ROBO2: variants seen among roughly 807,000 people sequenced by gnomAD.
The protein encoded by ROBO2 is roundabout homolog 2.
Under a neutral mutation model 160.8 loss-of-function variants are expected in ROBO2, and 53 were observed. The ratio of observed to expected loss-of-function variants is 0.33; its 90% CI spans 0.26 to 0.41. The LOEUF is 0.41. Among genes scored for constraint, ROBO2 ranks in the 10% least tolerant of loss-of-function variants. The probability of loss-of-function intolerance (pLI) is 1.00; values close to 1 mark genes in which losing one functional copy is unlikely to be tolerated. For missense variants in ROBO2, 1,577 were observed against 1,722.4 expected (o/e 0.92, Z 1.49); for synonymous variants, 664 against 611.7 (o/e 1.09, Z -1.26).
chr3:76,324,978 G>A (rs559543890), intron 2 of ROBO2, among the ~76,000 whole-genome samples: 10 of 152,212 alleles, frequency 6.6e-5, no homozygotes, highest in Non-Finnish European at 1.2e-4. Flanking sequence ...TGGTGGCAGC[G>A]CCTGTAGCCC....
chr3:76,658,567 A>G (rs1373769768), intron 2 of ROBO2, among the ~76,000 whole-genome samples: 1 of 152,034 alleles, frequency 6.6e-6, no homozygotes, highest in Non-Finnish European at 1.5e-5. Context: ...AATCCCACTT[A>G]TCAGTGAGAA....
At chr3:77,558,111 A>C in exon 9 of ROBO2, 1 of 1,613,176 alleles carries the variant, frequency 6.2e-7, no homozygotes, top group East Asian at 2.2e-5. Flanking sequence ...AAGAGCAACA[A>C]TTCAAGAGCA....
At chr3:76,194,353 A>ATATATATATATATATATAT (rs1553672736) in intron 2 of ROBO2, among the ~76,000 whole-genome samples, 7 of 94,530 alleles carry the variant, frequency 7.4e-5, no homozygotes, top group East Asian at 5.6e-4. Context: ...ATGGTGTGTA[A>ATATATATATATATATATAT]ATATATATAT....
At chr3:77,286,498 C>T (rs777672644) in intron 2 of ROBO2, among the ~76,000 whole-genome samples, 4 of 152,032 alleles carry the variant, frequency 2.6e-5, no homozygotes, top group Non-Finnish European at 5.9e-5. Flanking sequence ...TCAAGTGATC[C>T]GACCGCCTTG....
At chr3:77,434,390 G>A (rs902357577) in intron 2 of ROBO2, among the ~76,000 whole-genome samples, 20 of 152,176 alleles carry the variant, frequency 1.3e-4, no homozygotes, top group African/African-American at 4.1e-4. Context: ...AAATGTGTCA[G>A]CCTCACCAGA....
chr3:76,340,987 TC>T, intron 2 of ROBO2, among the ~76,000 whole-genome samples: 1 of 152,278 alleles, frequency 6.6e-6, no homozygotes, highest in Middle Eastern at 3.4e-3. Flanking sequence ...GTTTTGTGAA[TC>T]TTGTAGGAGT....
intron 12 of ROBO2, among the ~76,000 whole-genome samples, chr3:77,566,744 A>G (rs1216561196): frequency 6.6e-6 from 1 of 152,078 alleles, no homozygotes; most frequent in Non-Finnish European, 1.5e-5. Context: ...AATGGAAAGA[A>G]TATATAGAGT....
At position 77,517,560 on chromosome 3, in the gene ROBO2, T is replaced by C. The variant is rs190226332; in HGVS notation, c.807-5215T>C. Among the ~76,000 whole-genome samples, 440 of 151,768 alleles carry C rather than the reference T, an allele frequency of 2.9e-3. 1 individual carries two copies. The highest frequency in any genetic ancestry group is 6.8e-3 in the South Asian group (33 of 4,824). ...TCAATCAGTAAATCTGTACTGAAGCTCTTAATTCCCTTTGAAACCCTTACA... is the reference window on the plus strand; with the variant it reads ...TCAATCAGTAAATCTGTACTGAAGCCCTTAATTCCCTTTGAAACCCTTACA... On this transcript the variant is annotated intron_variant, in intron 5 of 25. Coordinates refer to ENST00000461745, the Ensembl canonical transcript of ROBO2.
At chr3:77,610,186 A>C (rs1438695459) in intron 21 of ROBO2, among the ~76,000 whole-genome samples, 2 of 152,144 alleles carry the variant, frequency 1.3e-5, no homozygotes, top group African/African-American at 4.8e-5. Context: ...GTATTCTACT[A>C]TTCATAATAT....
chr3:75,957,158 A>G (rs1559782863), intron 2 of ROBO2, among the ~76,000 whole-genome samples: 1 of 151,554 alleles, frequency 6.6e-6, no homozygotes, highest in African/African-American at 2.4e-5. Flanking sequence ...AATGTTTTTT[A>G]CTGAAATATT....
At chr3:76,357,185 T>G (rs954461201) in intron 2 of ROBO2, among the ~76,000 whole-genome samples, 6 of 151,980 alleles carry the variant, frequency 3.9e-5, no homozygotes, top group African/African-American at 1.4e-4. Flanking sequence ...ATCATGTCCT[T>G]TGCAGCAACA....
At chr3:76,780,368 C>T (rs1276602153) in intron 2 of ROBO2, among the ~76,000 whole-genome samples, 3 of 150,766 alleles carry the variant, frequency 2.0e-5, no homozygotes, top group Non-Finnish European at 3.0e-5. Flanking sequence ...TTTCCTCCCA[C>T]GCTGTAGGTT....
chr3:76,190,183 T>C (rs1436975757), intron 2 of ROBO2, among the ~76,000 whole-genome samples: 2 of 152,144 alleles, frequency 1.3e-5, no homozygotes, highest in African/African-American at 4.8e-5. Context: ...TTTCATTTCT[T>C]GGGTTTTTAA....
intron 2 of ROBO2, among the ~76,000 whole-genome samples, chr3:76,819,871 G>T (rs73841633): frequency 6.6e-6 from 1 of 152,042 alleles, no homozygotes; most frequent in South Asian, 2.1e-4. Flanking sequence ...GACCTGTGTC[G>T]TGTGAGTCTA....
intron 2 of ROBO2, among the ~76,000 whole-genome samples, chr3:77,333,491 T>C (rs1398068305): frequency 6.6e-6 from 1 of 152,208 alleles, no homozygotes; most frequent in Non-Finnish European, 1.5e-5. Flanking sequence ...ATATTTTTGT[T>C]ACAAACCAGT....
At chr3:76,512,622 C>T (rs1237172022) in intron 2 of ROBO2, among the ~76,000 whole-genome samples, 4 of 152,040 alleles carry the variant, frequency 2.6e-5, no homozygotes, top group South Asian at 2.1e-4. Context: ...GACAGCACAC[C>T]CGGGTGGCAG....
intron 2 of ROBO2, among the ~76,000 whole-genome samples, chr3:76,534,505 G>T (rs1054753215): frequency 6.6e-6 from 1 of 152,106 alleles, no homozygotes; most frequent in African/African-American, 2.4e-5. Context: ...GAATGGAGAA[G>T]TTCCATAGTT....
At chr3:76,099,523 T>C (rs532856512) in intron 2 of ROBO2, among the ~76,000 whole-genome samples, 1 of 152,312 alleles carries the variant, frequency 6.6e-6, no homozygotes, top group African/African-American at 2.4e-5. Context: ...TGCCATTAGC[T>C]GGTTTTGACT....
intron 2 of ROBO2, among the ~76,000 whole-genome samples, chr3:76,588,724 G>A (rs2086223964): frequency 1.3e-5 from 2 of 152,172 alleles, no homozygotes; most frequent in African/African-American, 4.8e-5. Flanking sequence ...TTGAGTTGAA[G>A]ATATACTTTG....
Sources: gnomAD v4.1 joint callset for allele counts (sites outside exome capture counted in the v4.1 genomes callset) on GRCh38, gnomAD v4.1.1 for gene constraint, MANE v1.5 for transcripts, NCBI Gene and HGNC (gene_info 2026-07-23, HGNC 2026-07-21) for gene names.